Variants in GTF3C2 observed in about 807,000 individuals in gnomAD.
The protein encoded by GTF3C2 is general transcription factor IIIC subunit 2, also known as general transcription factor 3C polypeptide 2.
A neutral mutation model predicts 117.4 loss-of-function variants in GTF3C2; 17 were observed. That is an observed-to-expected ratio of 0.14 (90% confidence interval 0.10 to 0.22). The LOEUF is 0.22. Among genes scored for constraint, GTF3C2 ranks in the 10% least tolerant of loss-of-function variants. The pLI, the probability that GTF3C2 is intolerant of heterozygous loss-of-function variation, is 1.00. For missense variants in GTF3C2, 888 were observed against 1,143.6 expected (o/e 0.78, Z 3.22); for synonymous variants, 437 against 427.0 (o/e 1.02, Z -0.29).
At chr2:27,326,457 T>G in exon 19 of GTF3C2, 2 of 583,996 alleles carry the variant, frequency 3.4e-6, no homozygotes, top group Non-Finnish European at 6.2e-6. Flanking sequence ...TGAGGAGCCT[T>G]GAGAGTTGGT....
intron 12 of GTF3C2, among the ~76,000 whole-genome samples, chr2:27,333,405 T>G (rs1680346629): frequency 6.6e-6 from 1 of 152,104 alleles, no homozygotes. Flanking sequence ...TCTGCCTGCC[T>G]CAGCCTCTCA....
At chr2:27,337,420 C>T (rs1324673997) in intron 6 of GTF3C2, 61 bp downstream of exon 6, 1 of 1,453,058 alleles carries the variant, frequency 6.9e-7, no homozygotes, top group Admixed American at 1.7e-5. Context: ...GAGCCTCTGT[C>T]ACCCTTTCGT....
intron 3 of GTF3C2, 35 bp downstream of exon 3, chr2:27,342,791 C>A (rs779478137): frequency 6.6e-7 from 1 of 1,521,302 alleles, no homozygotes; most frequent in South Asian, 1.2e-5. Flanking sequence ...CTTCACCCAA[C>A]CCCCCTCCAC....
chr2:27,327,966 T>G lies in GTF3C2; in HGVS notation c.2409+71A>C, dbSNP rs1368065185. The G allele has an allele frequency of 2.3e-6, 3 of 1,293,956 alleles. No homozygotes were observed. The South Asian group carries it at 3.9e-5, about 17-fold the overall frequency. 80.2% of individuals were successfully genotyped at this position (1,293,956 alleles called of 1,614,324 possible). A position where few individuals can be genotyped will look rare whatever the true frequency, so the allele number is the denominator to read the frequency against. ...TACATCTTTGTGCTGAACTCAGGCT[T>G]GCGTACTATACAAAGACTAAAGTTT... On this transcript the variant is annotated intron_variant, in intron 17 of 18. Coordinates refer to ENST00000264720, the Ensembl canonical transcript of GTF3C2.
intron 1 of GTF3C2, chr2:27,356,321 C>A (rs1681377501): frequency 5.6e-6 from 2 of 354,120 alleles, no homozygotes; most frequent in Non-Finnish European, 5.6e-6. Flanking sequence ...CACAACCACT[C>A]TAGGGGCCAT....
intron 4 of GTF3C2, among the ~76,000 whole-genome samples, chr2:27,341,047 TG>T (rs1558618971): frequency 1.3e-5 from 2 of 152,092 alleles, no homozygotes; most frequent in African/African-American, 4.8e-5. Flanking sequence ...TGTTTTGTTT[TG>T]TTTTTGAGAT....
exon 19 of GTF3C2, chr2:27,326,322 G>A (rs1241446906): frequency 2.2e-6 from 1 of 456,998 alleles, no homozygotes; most frequent in South Asian, 1.9e-5. Context: ...CCATTCACAA[G>A]TGGTCACAAA....
At chr2:27,350,314 C>T (rs970811628) in intron 1 of GTF3C2, 23 of 659,868 alleles carry the variant, frequency 3.5e-5, no homozygotes, top group African/African-American at 3.3e-4. Flanking sequence ...CCAGACCTAC[C>T]GAATCAGCAA....
Position 27,327,240 on chromosome 2 carries a change from C to T in GTF3C2, c.2454G>A (p.Met818Ile), listed in dbSNP as rs1193174482. 9 of 1,610,402 alleles carry T rather than the reference C, an allele frequency of 5.6e-6. No individual in the cohort carries two copies. Among genetic ancestry groups the T allele is most frequent in the Non-Finnish European group, 6.8e-6 (8 of 1,176,658 alleles). The change falls in exon 18 of 19, where the codon ATG (methionine) becomes ATA (isoleucine). Residue 818 changes from methionine to isoleucine, a missense_variant. Physicochemically the swap from Met to Ile is conservative, Grantham distance 10. Transcript: ENST00000264720. ...GTTGAGAATGCCCCTCTCCCTCCTG[C>T]ATGCGCAGCATTGGTTCTCTACGGA...
At chr2:27,344,327 A>G (rs139118251) in intron 1 of GTF3C2, among the ~76,000 whole-genome samples, 4 of 152,302 alleles carry the variant, frequency 2.6e-5, no homozygotes, top group Admixed American at 6.5e-5. Flanking sequence ...GCCTGGCCAT[A>G]AAGCTTCCAT....
At chr2:27,353,970 A>G (rs1312218916) in intron 1 of GTF3C2, among the ~76,000 whole-genome samples, 1 of 151,200 alleles carries the variant, frequency 6.6e-6, no homozygotes, top group East Asian at 1.9e-4. Context: ...GTGATCCTCT[A>G]GCTTCAACTT....
intron 2 of GTF3C2, 53 bp from the exon 3 acceptor site, chr2:27,343,200 G>A: frequency 1.3e-6 from 2 of 1,502,430 alleles, no homozygotes; most frequent in Middle Eastern, 1.8e-4. Context: ...AAACCTCTAT[G>A]GAAAAGATTA....
chr2:27,354,531 C>G (rs1681257688), intron 1 of GTF3C2, among the ~76,000 whole-genome samples: 1 of 152,068 alleles, frequency 6.6e-6, no homozygotes, highest in African/African-American at 2.4e-5. Flanking sequence ...GAGGCCAAGG[C>G]AGATGGATCA....
intron 1 of GTF3C2, among the ~76,000 whole-genome samples, chr2:27,352,343 ATTT>A (rs1044411912): frequency 2.6e-5 from 4 of 152,124 alleles, no homozygotes; most frequent in Admixed American, 6.6e-5. Flanking sequence ...TCTGCAGATG[ATTT>A]TGCTTTTGAT....
chr2:27,334,456 A>G (rs1680386554), intron 10 of GTF3C2, among the ~76,000 whole-genome samples: 1 of 151,762 alleles, frequency 6.6e-6, no homozygotes, highest in South Asian at 2.1e-4. Context: ...TTTCCAGAAC[A>G]CTGCTCATTC....
Position 27,327,292 on chromosome 2 carries a change from AG to A in GTF3C2, c.2410-9del. On this transcript the variant is annotated splice_polypyrimidine_tract_variant and intron_variant, in intron 17 of 18. Transcript: ENST00000264720. ...CAGATCATGGAATGAACCCTGGGGA[AG>A]GGAAATGGAATAGGAGAGAGAAAGT... 6.9e-7 allele frequency: 1 copy of A among 1,440,100 alleles called. No individual in the cohort carries two copies. Among genetic ancestry groups the A allele is most frequent in the Non-Finnish European group, 9.7e-7 (1 of 1,027,936 alleles). 89.2% of individuals were successfully genotyped at this position (1,440,100 alleles called of 1,614,324 possible).
At chr2:27,344,515 A>C (rs1680850440) in intron 1 of GTF3C2, among the ~76,000 whole-genome samples, 1 of 152,130 alleles carries the variant, frequency 6.6e-6, no homozygotes, top group African/African-American at 2.4e-5. Flanking sequence ...CACTCCAAAA[A>C]AGAAGAGAGA....
At chr2:27,333,006 A>G (rs1680332177) in intron 12 of GTF3C2, among the ~76,000 whole-genome samples, 1 of 151,388 alleles carries the variant, frequency 6.6e-6, no homozygotes, top group Non-Finnish European at 1.5e-5. Flanking sequence ...GAGCCACTGC[A>G]CCCGGCAAAA....
exon 3 of GTF3C2, chr2:27,343,007 C>T (rs1308807029): frequency 6.2e-7 from 1 of 1,614,050 alleles, no homozygotes; most frequent in Non-Finnish European, 8.5e-7. Context: ...TTGGATTGAT[C>T]TAAGAGACCA....
Sources: gnomAD v4.1 joint callset for allele counts (sites outside exome capture counted in the v4.1 genomes callset) on GRCh38, gnomAD v4.1.1 for gene constraint, MANE v1.5 for transcripts, NCBI Gene and HGNC (gene_info 2026-07-23, HGNC 2026-07-21) for gene names.